The following SLC35A3 variants were observed in gnomAD, a reference collection of about 807,000 sequenced individuals.
SLC35A3 encodes UDP-N-acetylglucosamine transporter.
SLC35A3 carries 26 observed loss-of-function variants against 39.0 expected under a neutral mutation model. The ratio of observed to expected loss-of-function variants is 0.67; its 90% CI spans 0.49 to 0.92. SLC35A3 has a LOEUF of 0.92. Ranked by LOEUF, SLC35A3 falls within the 40% of genes least tolerant of loss-of-function variation. SLC35A3 has a pLI of 0.00. For missense variants in SLC35A3, 299 were observed against 371.6 expected (o/e 0.80, Z 1.61); for synonymous variants, 135 against 133.1 (o/e 1.01, Z -0.10).
In SLC35A3 at chr1:100,027,298, A is replaced by G; in HGVS notation, c.*4822A>G. 3 of 396,804 alleles carry G rather than the reference A, an allele frequency of 7.6e-6. No individual in the cohort carries two copies. Among genetic ancestry groups the G allele is most frequent in the Non-Finnish European group, 1.3e-5 (3 of 225,176 alleles). 24.6% of individuals were successfully genotyped at this position (396,804 alleles called of 1,614,324 possible). A position where few individuals can be genotyped will look rare whatever the true frequency, so the allele number is the denominator to read the frequency against. On this transcript the variant is annotated 3_prime_UTR_variant, in exon 8 of 8. Coordinates refer to ENST00000533028, the MANE Select transcript of SLC35A3 (RefSeq NM_012243.3). ...CTTGTTTCTACAAAAAATCTTAAAA[A>G]TAAAATTAGCCAATATGTGGGCATG...
chr1:100,008,819 A>G (rs1298201546), intron 4 of SLC35A3: 1 of 152,192 alleles, frequency 6.6e-6, no homozygotes, highest in Non-Finnish European at 1.5e-5. Flanking sequence ...CAAAGTACTT[A>G]TATTATAGTT....
chr1:100,000,395 T>C (rs1658687514), intron 3 of SLC35A3, among the ~76,000 whole-genome samples: 1 of 152,154 alleles, frequency 6.6e-6, no homozygotes. Context: ...GAAATGTTTA[T>C]TGAGGTCCTT....
At position 100,022,880 on chromosome 1, in the gene SLC35A3, A is replaced by T. The variant is rs1448727462; in HGVS notation, c.*404A>T. 3 of 153,292 alleles carry T rather than the reference A, an allele frequency of 2.0e-5. No individual in the cohort carries two copies. The highest frequency in any genetic ancestry group is 7.2e-5 in the African/African-American group (3 of 41,486). The allele number at this position is 153,292 out of a possible 1,614,324, so 9.5% of individuals were successfully genotyped here. On this transcript the variant is annotated 3_prime_UTR_variant, in exon 8 of 8. Transcript: ENST00000533028. ...TTTCTGTACAGATATATCAAATCAC[A>T]TGAAATATTTAAAGTTTGAAAATTA...
chr1:100,013,554 A>G (rs1359537493), intron 5 of SLC35A3, among the ~76,000 whole-genome samples: 3 of 151,778 alleles, frequency 2.0e-5, no homozygotes, highest in Non-Finnish European at 4.4e-5. Context: ...TCGAGGCTGC[A>G]GTGAGTTGTG....
rs1279159803 is a variant in SLC35A3 at position 100,029,850 on chromosome 1, TA to T, written c.*7375del. 1 of 149,990 alleles carries T rather than the reference TA, an allele frequency of 6.7e-6. No individual in the cohort carries two copies. The highest frequency in any genetic ancestry group is 1.5e-5 in the Non-Finnish European group (1 of 67,374). 9.3% of individuals were successfully genotyped at this position (149,990 alleles called of 1,614,324 possible). ...ATAATCAGATATTGTGTTAAGAACA[TA>T]TATATATATATAGAGAGAGAGAGAG... On this transcript the variant is annotated 3_prime_UTR_variant, in exon 8 of 8. Coordinates refer to ENST00000533028, the MANE Select transcript of SLC35A3 (RefSeq NM_012243.3).
intron 3 of SLC35A3, among the ~76,000 whole-genome samples, chr1:100,003,841 T>C (rs1280962353): frequency 1.3e-5 from 2 of 152,214 alleles, no homozygotes; most frequent in Admixed American, 1.3e-4. Flanking sequence ...TGCTTTATAG[T>C]GTTGTTGAAT....
Position 100,005,661 on chromosome 1 carries a change from T to C in SLC35A3, c.343-1373T>C, listed in dbSNP as rs545019896. Among the ~76,000 whole-genome samples, 4 of 152,360 alleles carry C rather than the reference T, an allele frequency of 2.6e-5. No homozygotes were observed. The East Asian group carries it at 7.7e-4, about 29-fold the overall frequency. ...TTGGTTGGATTTTTTATTTCATTTA[T>C]TGAATTCTTTAGTTCTATGATTTTT... On this transcript the variant is annotated intron_variant, in intron 3 of 7. Transcript: ENST00000533028.
intron 7 of SLC35A3, among the ~76,000 whole-genome samples, chr1:100,022,153 A>G (rs1490142521): frequency 2.6e-5 from 4 of 152,184 alleles, no homozygotes; most frequent in Non-Finnish European, 4.4e-5. Context: ...CCTCATGTGT[A>G]AAAAATGAAT....
intron 1 of SLC35A3, among the ~76,000 whole-genome samples, chr1:99,980,950 C>G (rs1438350450): frequency 6.6e-6 from 1 of 152,150 alleles, no homozygotes; most frequent in Non-Finnish European, 1.5e-5. Context: ...TATTGTTGCT[C>G]TTCTTCTTGA....
At chr1:100,020,918 G>A (rs1660490224) in intron 7 of SLC35A3, among the ~76,000 whole-genome samples, 2 of 152,092 alleles carry the variant, frequency 1.3e-5, no homozygotes, top group South Asian at 4.1e-4. Flanking sequence ...GGCATGAAGT[G>A]GGAAGGATGA....
At chr1:99,983,814 G>A (rs903463155) in intron 1 of SLC35A3, among the ~76,000 whole-genome samples, 5 of 152,098 alleles carry the variant, frequency 3.3e-5, no homozygotes, top group African/African-American at 1.2e-4. Flanking sequence ...GCAGAGATGA[G>A]GTTTCACCAT....
At chr1:99,978,872 AG>A (rs1239560691) in intron 1 of SLC35A3, 1 of 152,260 alleles carries the variant, frequency 6.6e-6, no homozygotes, top group Non-Finnish European at 1.5e-5. Flanking sequence ...TTAAAAATAT[AG>A]CAACTTAATT....
intron 2 of SLC35A3, among the ~76,000 whole-genome samples, chr1:99,996,051 A>C (rs978615177): frequency 2.0e-5 from 3 of 152,232 alleles, no homozygotes; most frequent in Non-Finnish European, 4.4e-5. Context: ...GGTAAAACCA[A>C]CTTTTCAGTG....
intron 1 of SLC35A3, chr1:99,970,550 C>G: frequency 6.5e-7 from 1 of 1,535,714 alleles, no homozygotes; most frequent in Non-Finnish European, 8.7e-7. Flanking sequence ...AGCTCTCGCT[C>G]GGTGTTGAGC....
In SLC35A3 at chr1:100,017,813, C is replaced by T. The variant is rs1220907691; in HGVS notation, c.885C>T (p.Thr295=). The T allele has an allele frequency of 6.4e-7, 1 of 1,553,354 alleles. No homozygotes were observed. Among genetic ancestry groups the T allele is most frequent in the South Asian group, 1.2e-5 (1 of 80,872 alleles). The change falls in exon 7 of 8, where the codon ACC becomes ACT. Residue 295 remains threonine, a splice_region_variant and synonymous_variant. Transcript: ENST00000533028. ...TTTGGCTTCAAGATTTTGTGCCAACCAGGTAAAATGTTCTTTTCTATTTTT... is the reference window on the plus strand; with the variant it reads ...TTTGGCTTCAAGATTTTGTGCCAACTAGGTAAAATGTTCTTTTCTATTTTT... ...SYFWLQDFVP[T]SVFFLGAILV... is the part of the protein sequence containing the mutation.
At position 99,999,271 on chromosome 1, in the gene SLC35A3, A is replaced by G. The variant is rs779900260; in HGVS notation, c.198A>G (p.Leu66=). ...LLVYKDSKCS[L]RALNRVLHDE... is the part of the protein sequence containing the mutation. ...CATATTATTTTCTAGAATGTAGTCT[A>G]AGAGCACTGAATCGAGTACTACATG... The change falls in exon 3 of 8, where the codon CTA becomes CTG. Residue 66 remains leucine (L), a synonymous_variant. Coordinates refer to ENST00000533028, the MANE Select transcript of SLC35A3 (RefSeq NM_012243.3). The G allele has an allele frequency of 7.1e-6, 11 of 1,548,582 alleles. No homozygotes were observed. Among genetic ancestry groups the G allele is most frequent in the Non-Finnish European group, 1.7e-6 (2 of 1,150,890 alleles).
chr1:99,977,288 C>T (rs1193973135), intron 1 of SLC35A3, among the ~76,000 whole-genome samples: 2 of 147,364 alleles, frequency 1.4e-5, no homozygotes, highest in Non-Finnish European at 3.0e-5. Flanking sequence ...GAGGTAGAGG[C>T]GGGCGGATCA....
rs141502125 is a variant in SLC35A3 at position 100,020,194 on chromosome 1, C to T, written c.888-2192C>T. ...ATCATTACATTCTGATAGTTTTATCCTAATTTTTTTTTTTCTGAGACAACT... is the reference window on the plus strand; with the variant it reads ...ATCATTACATTCTGATAGTTTTATCTTAATTTTTTTTTTTCTGAGACAACT... On this transcript the variant is annotated intron_variant, in intron 7 of 7. Coordinates refer to ENST00000533028, the MANE Select transcript of SLC35A3 (RefSeq NM_012243.3). Among the ~76,000 whole-genome samples the T allele has an allele frequency of 1.7e-3, 253 of 152,106 alleles. 3 individuals carry two copies. The highest frequency in any genetic ancestry group is 5.7e-3 in the African/African-American group (236 of 41,500).
rs531833532 is a variant in SLC35A3, at chr1:100,030,899, A to G, written c.*8423A>G. 6.6e-6 allele frequency: 1 copy of G among 152,284 alleles called. No homozygotes were observed. Among genetic ancestry groups the G allele is most frequent in the Non-Finnish European group, 1.5e-5 (1 of 68,012 alleles). The allele number at this position is 152,284 out of a possible 1,614,324, so 9.4% of individuals were successfully genotyped here. The stretch of plus-strand genomic sequence containing the variant: ...GCAGGGTAATATTTCCTGAGTGATG[A>G]TAGAATTATAGAAAATCATGAAAGA... On this transcript the variant is annotated 3_prime_UTR_variant, in exon 8 of 8. Transcript: ENST00000533028.
Sources: gnomAD v4.1 joint callset for allele counts (sites outside exome capture counted in the v4.1 genomes callset) on GRCh38, gnomAD v4.1.1 for gene constraint, MANE v1.5 for transcripts, NCBI Gene and HGNC (gene_info 2026-07-23, HGNC 2026-07-21) for gene names.